Variants in ABI3BP observed in about 807,000 individuals in gnomAD.
The protein encoded by ABI3BP is target of Nesh-SH3.
A neutral mutation model predicts 268.6 loss-of-function variants in ABI3BP; 216 were observed. The observed-to-expected ratio is 0.80, with a 90% confidence interval of 0.72 to 0.90. The LOEUF is 0.90. Ranked by LOEUF, ABI3BP falls within the 40% of genes least tolerant of loss-of-function variation. The pLI, the probability that ABI3BP is intolerant of heterozygous loss-of-function variation, is 0.00. For synonymous variants in ABI3BP, 730 were observed against 730.0 expected (o/e 1.00, Z 0.00); for missense variants, 2,090 against 2,182.4 (o/e 0.96, Z 0.84).
chr3:100,790,933 G>A (rs995390947), intron 55 of ABI3BP, among the ~76,000 whole-genome samples: 4 of 151,818 alleles, frequency 2.6e-5, no homozygotes, highest in African/African-American at 9.7e-5. Context: ...TCAAAGCCAT[G>A]GCATCTGAAT....
chr3:100,940,037 G>A (rs1285142951), intron 1 of ABI3BP, among the ~76,000 whole-genome samples: 1 of 152,126 alleles, frequency 6.6e-6, no homozygotes, highest in Non-Finnish European at 1.5e-5. Context: ...GGTGGTCAGA[G>A]TTTAAGGTTA....
intron 29 of ABI3BP, among the ~76,000 whole-genome samples, chr3:100,833,831 T>C (rs766381433): frequency 2.6e-5 from 4 of 152,208 alleles, no homozygotes; most frequent in African/African-American, 4.8e-5. Flanking sequence ...GCAGCATTAC[T>C]GTCCAACTAA....
At chr3:100,818,811 C>A (rs1193661564) in intron 40 of ABI3BP, among the ~76,000 whole-genome samples, 1 of 152,152 alleles carries the variant, frequency 6.6e-6, no homozygotes, top group Non-Finnish European at 1.5e-5. Context: ...TAATATTCTC[C>A]TAGGTGTCTG....
chr3:100,945,525 G>T, intron 1 of ABI3BP: 1 of 368,820 alleles, frequency 2.7e-6, no homozygotes, highest in South Asian at 2.1e-5. Flanking sequence ...CTTAGCTCTA[G>T]GCAACCACTG....
chr3:100,793,331 T>C (rs2097253825), intron 54 of ABI3BP, among the ~76,000 whole-genome samples: 3 of 152,014 alleles, frequency 2.0e-5, no homozygotes, highest in Non-Finnish European at 4.4e-5. Flanking sequence ...ATATATTATA[T>C]AGACACAGCA....
intron 6 of ABI3BP, among the ~76,000 whole-genome samples, chr3:100,882,629 C>T (rs2153377549): frequency 6.6e-6 from 1 of 152,016 alleles, no homozygotes; most frequent in African/African-American, 2.4e-5. Context: ...AAATGCCTGG[C>T]TCTGTGTCAT....
chr3:100,779,294 G>C (rs967607697), intron 58 of ABI3BP, among the ~76,000 whole-genome samples: 4 of 152,168 alleles, frequency 2.6e-5, no homozygotes, highest in Admixed American at 6.5e-5. Flanking sequence ...AGGTGTAAGT[G>C]GGGGACAAAG....
chr3:100,780,314 A>T (rs938162537), intron 57 of ABI3BP, 105 bp from the exon 58 acceptor site: 1 of 1,071,398 alleles, frequency 9.3e-7, no homozygotes, highest in Non-Finnish European at 1.4e-6. Context: ...GAGCAGGAGC[A>T]TTGGTGTTTT....
chr3:100,782,559 G>T (rs2096900724), intron 57 of ABI3BP, among the ~76,000 whole-genome samples: 1 of 151,972 alleles, frequency 6.6e-6, no homozygotes, highest in Non-Finnish European at 1.5e-5. Flanking sequence ...CAGCTGTGTG[G>T]CTCGGTGGAA....
At chr3:100,880,473 C>A (rs1561207936) in intron 6 of ABI3BP, among the ~76,000 whole-genome samples, 1 of 152,166 alleles carries the variant, frequency 6.6e-6, no homozygotes, top group South Asian at 2.1e-4. Context: ...TTCTTCATTT[C>A]CAGATATCCT....
intron 6 of ABI3BP, among the ~76,000 whole-genome samples, chr3:100,882,458 A>T (rs896426120): frequency 2.9e-4 from 42 of 146,380 alleles, no homozygotes; most frequent in African/African-American, 8.9e-4. Context: ...ATATATATAT[A>T]TATTTTTTTT....
intron 1 of ABI3BP, among the ~76,000 whole-genome samples, chr3:100,960,664 T>A (rs1266927333): frequency 6.6e-6 from 1 of 152,072 alleles, no homozygotes; most frequent in African/African-American, 2.4e-5. Flanking sequence ...GTCAGAGAGA[T>A]TCAAAGCGTG....
At chr3:100,751,696 G>A (rs2095334248) in intron 66 of ABI3BP, 22 bp from the exon 67 acceptor site, 1 of 1,568,178 alleles carries the variant, frequency 6.4e-7, no homozygotes, top group Non-Finnish European at 8.6e-7. Context: ...GAAATTAAAA[G>A]GATAAAGTTT....
intron 39 of ABI3BP, 53 bp from the exon 40 acceptor site, chr3:100,820,356 A>G: frequency 7.3e-7 from 1 of 1,373,488 alleles, no homozygotes; most frequent in South Asian, 1.3e-5. Flanking sequence ...CGAAGCTATG[A>G]GTAGCATGAC....
In ABI3BP at chr3:100,796,457, C is replaced by T. The variant is rs367999543; in HGVS notation, c.3769G>A (p.Val1257Met). ...VSYTTPAPKD[V>M]LLPHKPYPEV... ...GGGTATGGTTTATGAGGAAGGAGCA[C>T]ATCTTTTGGAGCTGAAAGAAAAAGA... The change falls in exon 52 of 68, where the codon GTG (valine) becomes ATG (methionine). Residue 1257 changes from valine (V) to methionine (M), a missense_variant. Coordinates refer to ENST00000471714, the MANE Select transcript of ABI3BP (RefSeq NM_001375547.2). 2.5e-6 allele frequency: 4 copies of T among 1,601,888 alleles called. No homozygotes were observed. Among genetic ancestry groups the T allele is most frequent in the African/African-American group, 1.3e-5 (1 of 74,314 alleles).
In ABI3BP at chr3:100,813,666, T is replaced by A. The variant is rs73135513; in HGVS notation, c.3359A>T (p.Gln1120Leu). ...TSPSLEMTES[Q>L]PVSDVLESVT... ...AGATAAAACAATCTATTTACCAGGT[T>A]GACTTTCTGTCATTTCTAGGCTTGG... The change falls in exon 45 of 68, where the codon CAA becomes CTA. Residue 1120 changes from glutamine (Q) to leucine (L), a missense_variant. Transcript: ENST00000471714. The A allele has an allele frequency of 0.19, 287,069 of 1,533,060 alleles. 29,514 individuals carry two copies. Among genetic ancestry groups the A allele is most frequent in the South Asian group, 0.26 (21,983 of 83,940 alleles). The allele number at this position is 1,533,060 out of a possible 1,614,324, so 95.0% of individuals were successfully genotyped here.
intron 1 of ABI3BP, among the ~76,000 whole-genome samples, chr3:100,941,572 A>G (rs1224312827): frequency 6.6e-6 from 1 of 152,048 alleles, no homozygotes; most frequent in African/African-American, 2.4e-5. Context: ...TTCAGCTAAA[A>G]CCACCAGTTT....
Position 100,821,043 on chromosome 3 carries a change from C to G in ABI3BP, c.2947+11G>C. On this transcript the variant is annotated intron_variant, in intron 39 of 67. Coordinates refer to ENST00000471714, the MANE Select transcript of ABI3BP (RefSeq NM_001375547.2). ...GAAGAACACTTAATGAGGATTGCAACGTGCTATTACCTTGTGTTGTCACCC... is the reference window on the plus strand; with the variant it reads ...GAAGAACACTTAATGAGGATTGCAAGGTGCTATTACCTTGTGTTGTCACCC... 1.3e-6 allele frequency: 2 copies of G among 1,533,504 alleles called. No individual in the cohort carries two copies. The highest frequency in any genetic ancestry group is 1.7e-6 in the Non-Finnish European group (2 of 1,144,764). The allele number at this position is 1,533,504 out of a possible 1,614,324, so 95.0% of individuals were successfully genotyped here.
chr3:100,876,687 T>C (rs996853361), intron 6 of ABI3BP, 127 bp from the exon 7 acceptor site: 9 of 783,040 alleles, frequency 1.1e-5, no homozygotes, highest in African/African-American at 5.3e-5. Context: ...ACTGGTTTAA[T>C]AGTTGCTGGT....
Sources: gnomAD v4.1 joint callset for allele counts (sites outside exome capture counted in the v4.1 genomes callset) on GRCh38, gnomAD v4.1.1 for gene constraint, MANE v1.5 for transcripts, NCBI Gene and HGNC (gene_info 2026-07-23, HGNC 2026-07-21) for gene names.